The following GPHN variants were observed in gnomAD, a reference collection of about 807,000 sequenced individuals.
The protein encoded by GPHN is gephyrin.
GPHN carries 17 observed loss-of-function variants against 95.5 expected under a neutral mutation model. The observed-to-expected ratio is 0.18, with a 90% CI of 0.12 to 0.27. The LOEUF (loss-of-function observed/expected upper bound fraction) is 0.27, where lower values mean the gene tolerates loss of function less well. Ranked by LOEUF, GPHN falls within the 10% of genes least tolerant of loss-of-function variation. The pLI is 1.00. For missense variants in GPHN, 660 were observed against 978.1 expected (o/e 0.67, Z 4.34); for synonymous variants, 320 against 322.5 (o/e 0.99, Z 0.08).
At chr14:67,293,570 T>G in the GPHN span, among the ~76,000 whole-genome samples, 2 of 152,178 alleles carry the variant, frequency 1.3e-5, no homozygotes, top group African/African-American at 4.8e-5. Flanking sequence ...TCATATTTAC[T>G]TATGGTTTAA....
chr14:67,231,734 G>A, the GPHN span, among the ~76,000 whole-genome samples: 5 of 152,190 alleles, frequency 3.3e-5, no homozygotes, highest in East Asian at 1.9e-4. Flanking sequence ...TTGGGAGGCC[G>A]AGGTGGGCGG....
intron 8 of GPHN, among the ~76,000 whole-genome samples, chr14:66,928,938 T>A (rs1350268107): frequency 6.6e-6 from 1 of 152,158 alleles, no homozygotes; most frequent in Admixed American, 6.5e-5. Flanking sequence ...CGTCTGTCCT[T>A]GAGAATGATT....
chr14:67,656,799 C>CA, the GPHN span, among the ~76,000 whole-genome samples: 16 of 152,270 alleles, frequency 1.1e-4, no homozygotes, highest in African/African-American at 3.6e-4. Context: ...ACAATACCCC[C>CA]ACTCCACTGC....
chr14:67,060,101 G>GT (rs144726015), intron 11 of GPHN, among the ~76,000 whole-genome samples: 3,546 of 150,838 alleles, frequency 0.024, 64 homozygotes, highest in Middle Eastern at 0.035. Flanking sequence ...ACCATCCCTG[G>GT]TTTTTTCTTT....
the GPHN span, among the ~76,000 whole-genome samples, chr14:67,609,866 T>C: frequency 1.3e-5 from 2 of 150,886 alleles, no homozygotes; most frequent in Non-Finnish European, 2.9e-5. Flanking sequence ...AGGAGAGGAG[T>C]TTCTTGGCCC....
chr14:67,130,539 C>T (rs2079638243), intron 17 of GPHN, among the ~76,000 whole-genome samples: 1 of 152,022 alleles, frequency 6.6e-6, no homozygotes, highest in African/African-American at 2.4e-5. Context: ...TTCTATGTCT[C>T]TGCTATTGTG....
At position 67,181,130 on chromosome 14, in the gene GPHN, A is replaced by T; in HGVS notation, c.*193A>T. 1 of 660,738 alleles carries T rather than the reference A, an allele frequency of 1.5e-6. No individual in the cohort carries two copies. The highest frequency in any genetic ancestry group is 2.5e-6 in the Non-Finnish European group (1 of 393,032). The allele number at this position is 660,738 out of a possible 1,614,324, so 40.9% of individuals were successfully genotyped here. A position where few individuals can be genotyped will look rare whatever the true frequency, so the allele number is the denominator to read the frequency against. On this transcript the variant is annotated 3_prime_UTR_variant, in exon 23 of 23. Coordinates refer to ENST00000478722, the MANE Select transcript of GPHN (RefSeq NM_020806.5). Reference sequence around the variant, plus strand: ...CACCTAAAAATAAATCTTAACAGAAAATTCTGTTCTGATTATATCAAGGCA... The same window carrying T: ...CACCTAAAAATAAATCTTAACAGAATATTCTGTTCTGATTATATCAAGGCA...
the GPHN span, chr14:67,412,261 C>T: frequency 1.9e-5 from 9 of 465,532 alleles, no homozygotes; most frequent in East Asian, 2.6e-4. Flanking sequence ...TCTGACGTGA[C>T]GTTTCCACCC....
the GPHN span, among the ~76,000 whole-genome samples, chr14:67,669,548 C>T: frequency 4.8e-4 from 72 of 148,508 alleles, 2 homozygotes; most frequent in Admixed American, 1.3e-3. Context: ...ATTACAGGCA[C>T]GAGCCACCAC....
Position 66,695,172 on chromosome 14 carries a change from TAAATAA to T in GPHN, c.143+14007_143+14012del, listed in dbSNP as rs542212720. On this transcript the variant is annotated intron_variant, in intron 2 of 22. Coordinates refer to ENST00000478722, the MANE Select transcript of GPHN (RefSeq NM_020806.5). ...CAAGACTCTGTCTTAAAAAAATAAA[TAAATAA>T]AAATAAAAATAAAAATAAACTCTAT... Among the ~76,000 whole-genome samples the T allele has an allele frequency of 3.6e-3, 543 of 151,186 alleles. 1 individual carries two copies. The highest frequency in any genetic ancestry group is 6.1e-3 in the Non-Finnish European group (413 of 67,744).
At chr14:67,085,402 C>T (rs982188988) in intron 11 of GPHN, among the ~76,000 whole-genome samples, 1 of 152,198 alleles carries the variant, frequency 6.6e-6, no homozygotes, top group Admixed American at 6.5e-5. Flanking sequence ...CTAAATCTTG[C>T]AAAAGCAGAA....
intron 4 of GPHN, among the ~76,000 whole-genome samples, chr14:66,844,323 A>G (rs2062226642): frequency 6.6e-6 from 1 of 152,180 alleles, no homozygotes; most frequent in Non-Finnish European, 1.5e-5. Context: ...CTTGCAACAT[A>G]ACATTATCTG....
At chr14:67,614,328 C>T in the GPHN span, among the ~76,000 whole-genome samples, 1 of 152,242 alleles carries the variant, frequency 6.6e-6, no homozygotes, top group Non-Finnish European at 1.5e-5. Flanking sequence ...TCTGCCACTA[C>T]ACTGCCTTTG....
chr14:66,910,614 G>A (rs1272543550), intron 5 of GPHN, among the ~76,000 whole-genome samples: 2 of 151,890 alleles, frequency 1.3e-5, no homozygotes, highest in Admixed American at 1.3e-4. Context: ...ACTTAACATT[G>A]TAATTCAGTA....
chr14:66,948,238 C>T (rs1223074875), intron 8 of GPHN, among the ~76,000 whole-genome samples: 1 of 151,726 alleles, frequency 6.6e-6, no homozygotes, highest in East Asian at 1.9e-4. Context: ...AACAAAAATT[C>T]TGAAATTTTT....
the GPHN span, among the ~76,000 whole-genome samples, chr14:67,653,092 A>G: frequency 1.6e-4 from 25 of 152,260 alleles, no homozygotes; most frequent in African/African-American, 5.5e-4. Context: ...CGGGGCTGAG[A>G]TTATATAAAT....
chr14:66,678,734 C>G (rs990688602), intron 1 of GPHN, among the ~76,000 whole-genome samples: 21 of 151,796 alleles, frequency 1.4e-4, no homozygotes, highest in African/African-American at 5.1e-4. Context: ...TTTAGGTAAA[C>G]TTTTTTCTGT....
chr14:67,038,619 A>G (rs1413211957), intron 10 of GPHN, among the ~76,000 whole-genome samples: 1 of 152,030 alleles, frequency 6.6e-6, no homozygotes, highest in Non-Finnish European at 1.5e-5. Context: ...TCATTATTAG[A>G]TTCACCACCT....
intron 5 of GPHN, among the ~76,000 whole-genome samples, chr14:66,898,463 G>GT (rs1362983098): frequency 4.3e-5 from 2 of 46,716 alleles, no homozygotes; most frequent in African/African-American, 1.8e-4. Flanking sequence ...AGTGCTACTT[G>GT]TTTAAAAAAA....
Sources: gnomAD v4.1 joint callset for allele counts (sites outside exome capture counted in the v4.1 genomes callset) on GRCh38, gnomAD v4.1.1 for gene constraint, MANE v1.5 for transcripts, NCBI Gene and HGNC (gene_info 2026-07-23, HGNC 2026-07-21) for gene names.